The following SNX29 variants were observed in gnomAD, a reference collection of about 807,000 sequenced individuals.
SNX29 encodes sorting nexin-29.
SNX29 carries 78 observed loss-of-function variants against 102.1 expected under a neutral mutation model. The observed-to-expected ratio is 0.76, with a 90% CI of 0.64 to 0.92. The LOEUF (loss-of-function observed/expected upper bound fraction) is 0.92. Ranked by LOEUF, SNX29 falls within the 40% of genes least tolerant of loss-of-function variation. SNX29 has a pLI of 0.00. For missense variants in SNX29, 1,280 were observed against 1,061.7 expected (o/e 1.21, Z -2.86); for synonymous variants, 580 against 414.5 (o/e 1.40, Z -4.85).
At chr16:12,407,840 C>G (rs1028357071) in intron 18 of SNX29, among the ~76,000 whole-genome samples, 1 of 152,174 alleles carries the variant, frequency 6.6e-6, no homozygotes, top group African/African-American at 2.4e-5. Context: ...AGCAGCTGTG[C>G]ATGATGGCAT....
At chr16:12,004,658 T>G (rs975968535) in intron 3 of SNX29, among the ~76,000 whole-genome samples, 2 of 152,094 alleles carry the variant, frequency 1.3e-5, no homozygotes, top group African/African-American at 4.8e-5. Flanking sequence ...CCCACCCTCC[T>G]GTGTCCATCG....
At chr16:12,350,019 A>G (rs2081950367) in intron 15 of SNX29, among the ~76,000 whole-genome samples, 3 of 152,226 alleles carry the variant, frequency 2.0e-5, no homozygotes, top group African/African-American at 7.2e-5. Flanking sequence ...GCTTGCTTCC[A>G]GTTTCTTTCC....
chr16:12,574,011 G>C lies in SNX29; in HGVS notation c.*5382G>C. 5.1e-6 allele frequency: 1 copy of C among 197,668 alleles called. No individual in the cohort carries two copies. Among genetic ancestry groups the C allele is most frequent in the Non-Finnish European group, 1.0e-5 (1 of 95,440 alleles). 12.2% of individuals were successfully genotyped at this position (197,668 alleles called of 1,614,324 possible). A position where few individuals can be genotyped will look rare whatever the true frequency, so the allele number is the denominator to read the frequency against. On this transcript the variant is annotated 3_prime_UTR_variant, in exon 21 of 21. Transcript: ENST00000566228. Reference sequence around the variant, plus strand: ...CGGCTCCCAGTGCACCCCCTTAAGGGTAAGCAGGCCACATATCTAGAGTCT... The same window carrying C: ...CGGCTCCCAGTGCACCCCCTTAAGGCTAAGCAGGCCACATATCTAGAGTCT...
At chr16:12,505,860 A>G (rs1472548601) in intron 19 of SNX29, among the ~76,000 whole-genome samples, 1 of 151,658 alleles carries the variant, frequency 6.6e-6, no homozygotes, top group East Asian at 1.9e-4. Context: ...TCATGATATT[A>G]AGTCTTCCCA....
chr16:12,470,419 A>G (rs1165582168), intron 18 of SNX29, among the ~76,000 whole-genome samples: 2 of 152,150 alleles, frequency 1.3e-5, no homozygotes, highest in East Asian at 1.9e-4. Context: ...AGTATCTCCT[A>G]CGAGGTCCTC....
At chr16:12,188,702 G>A (rs1274578991) in intron 13 of SNX29, among the ~76,000 whole-genome samples, 2 of 152,142 alleles carry the variant, frequency 1.3e-5, no homozygotes, top group African/African-American at 4.8e-5. Context: ...TGCAAGGATG[G>A]TTACGGGGGA....
At chr16:12,527,392 A>G in intron 20 of SNX29, 1 of 491,118 alleles carries the variant, frequency 2.0e-6, no homozygotes, top group South Asian at 1.7e-5. Flanking sequence ...TGCCTAAGGA[A>G]ATAAACCCCC....
chr16:12,380,133 A>T (rs554723337), intron 16 of SNX29, among the ~76,000 whole-genome samples: 10 of 152,148 alleles, frequency 6.6e-5, no homozygotes, highest in Non-Finnish European at 1.5e-4. Context: ...CCAGCACATG[A>T]GACCCCAGGA....
intron 20 of SNX29, among the ~76,000 whole-genome samples, chr16:12,541,502 G>A (rs979503488): frequency 5.9e-5 from 9 of 152,128 alleles, no homozygotes; most frequent in African/African-American, 2.2e-4. Context: ...TCTGTGATCT[G>A]AGTCCCAAGT....
At chr16:12,206,384 CAAAAAAAAA>C (rs59859762) in intron 14 of SNX29, among the ~76,000 whole-genome samples, 4 of 92,136 alleles carry the variant, frequency 4.3e-5, no homozygotes, top group African/African-American at 4.7e-5. Flanking sequence ...AAATAGCTTT[CAAAAAAAAA>C]AAAAAAAAAA....
chr16:12,562,105 C>T (rs1272776210), intron 20 of SNX29, among the ~76,000 whole-genome samples: 3 of 152,160 alleles, frequency 2.0e-5, no homozygotes, highest in Non-Finnish European at 2.9e-5. Flanking sequence ...ATTTCTAAGG[C>T]CGTTCACTCT....
At position 12,094,591 on chromosome 16, in the gene SNX29, C is replaced by T. The variant is rs371195725; in HGVS notation, c.1402+15676C>T. On this transcript the variant is annotated intron_variant, in intron 11 of 20. Transcript: ENST00000566228. ...GAAGTGATCACGCAGGATGGTGGTT[C>T]TTAGCTGGGGGTGATTGCAACCCCC... Among the ~76,000 whole-genome samples, 18 of 152,234 alleles carry T rather than the reference C, an allele frequency of 1.2e-4. No homozygotes were observed. In the East Asian group the frequency reaches 3.1e-3, roughly 26 times the overall value.
intron 7 of SNX29, among the ~76,000 whole-genome samples, chr16:12,050,195 T>A (rs1210736679): frequency 6.6e-6 from 1 of 152,202 alleles, no homozygotes; most frequent in Non-Finnish European, 1.5e-5. Context: ...ACTCTGCTTT[T>A]GAGGTGATCT....
intron 18 of SNX29, among the ~76,000 whole-genome samples, chr16:12,404,160 C>G (rs1217796900): frequency 6.6e-6 from 1 of 152,126 alleles, no homozygotes; most frequent in African/African-American, 2.4e-5. Flanking sequence ...AAATGAGAGC[C>G]AGAGAATTCT....
At chr16:12,356,117 G>C in intron 15 of SNX29, 46 bp from the exon 16 acceptor site, 1 of 1,562,702 alleles carries the variant, frequency 6.4e-7, no homozygotes, top group Non-Finnish European at 8.7e-7. Context: ...TTGGTCCCTG[G>C]GGAATGTCTG....
intron 18 of SNX29, among the ~76,000 whole-genome samples, chr16:12,408,360 T>G (rs2084260373): frequency 6.6e-6 from 1 of 152,224 alleles, no homozygotes; most frequent in African/African-American, 2.4e-5. Flanking sequence ...GGTGCACACA[T>G]TATCCAGCAA....
chr16:12,540,458 C>T lies in SNX29; in HGVS notation c.2318+15617C>T, dbSNP rs139394034. Reference sequence around the variant, plus strand: ...CTGTGGAGGCCAGAAGTCCGAGATCCGTCTTACTAGGCTACAGTCAAGGTG... The same window carrying T: ...CTGTGGAGGCCAGAAGTCCGAGATCTGTCTTACTAGGCTACAGTCAAGGTG... On this transcript the variant is annotated intron_variant, in intron 20 of 20. Transcript: ENST00000566228. 2.1e-4 allele frequency among the ~76,000 whole-genome samples: 32 copies of T among 152,346 alleles called. 2 individuals carry two copies. In the East Asian group the frequency reaches 2.9e-3, roughly 14 times the overall value.
intron 20 of SNX29, among the ~76,000 whole-genome samples, chr16:12,525,385 A>G (rs563753116): frequency 4.6e-5 from 7 of 152,268 alleles, no homozygotes; most frequent in African/African-American, 1.7e-4. Flanking sequence ...AAATCATTAC[A>G]CTTCAGGCTG....
chr16:12,387,940 T>C (rs1182140665), intron 16 of SNX29, among the ~76,000 whole-genome samples: 1 of 152,232 alleles, frequency 6.6e-6, no homozygotes, highest in East Asian at 1.9e-4. Context: ...GTTTTGCTTT[T>C]ATCTGCAAAT....
Sources: allele counts gnomAD v4.1 joint callset (sites outside exome capture counted in the v4.1 genomes callset), GRCh38; gene constraint gnomAD v4.1.1; transcripts MANE v1.5; gene names NCBI Gene and HGNC (gene_info 2026-07-23, HGNC 2026-07-21).